The following ACTN4 variants were observed in gnomAD, a reference collection of about 807,000 sequenced individuals.
ACTN4 encodes the protein alpha-actinin-4.
ACTN4 carries 18 observed loss-of-function variants against 114.2 expected under a neutral mutation model. The observed-to-expected ratio is 0.16, with a 90% CI of 0.11 to 0.23. The LOEUF (loss-of-function observed/expected upper bound fraction) is 0.23. Ranked by LOEUF, ACTN4 falls within the 10% of genes least tolerant of loss-of-function variation. The pLI, the probability that ACTN4 is intolerant of heterozygous loss-of-function variation, is 1.00. For synonymous variants in ACTN4, 515 were observed against 506.3 expected, an observed-to-expected ratio of 1.02 and a Z score of -0.23; for missense variants, 722 against 1,262.9, an observed-to-expected ratio of 0.57 and a Z score of 6.49.
chr19:38,705,183 G>T (rs1303837553), intron 4 of ACTN4, among the ~76,000 whole-genome samples, 163 bp downstream of exon 4: 1 of 152,210 alleles, frequency 6.6e-6, no homozygotes, highest in East Asian at 1.9e-4. Context: ...GTGAAGGGAG[G>T]CTCCTCCCAG....
At chr19:38,656,359 T>C (rs1976711820) in intron 1 of ACTN4, among the ~76,000 whole-genome samples, 1 of 152,124 alleles carries the variant, frequency 6.6e-6, no homozygotes, top group South Asian at 2.1e-4. Context: ...GGATTACAGG[T>C]GTGAGTCACC....
At chr19:38,648,159 G>T in intron 1 of ACTN4, 1 of 407,958 alleles carries the variant, frequency 2.5e-6, no homozygotes, top group South Asian at 4.9e-5. Context: ...GAATCGGGAA[G>T]GCTGATGAAG....
chr19:38,718,222 G>A (rs747178536), intron 11 of ACTN4, 148 bp downstream of exon 11: 1 of 1,371,944 alleles, frequency 7.3e-7, no homozygotes, highest in Non-Finnish European at 1.0e-6. Context: ...GAGCATGTGT[G>A]TGTGTCAGAA....
chr19:38,726,936 C>T (rs1415643329), intron 17 of ACTN4, 21 bp from the exon 18 acceptor site: 4 of 1,613,220 alleles, frequency 2.5e-6, no homozygotes, highest in Non-Finnish European at 3.4e-6. Context: ...GGCCCACGAT[C>T]ACGCCCCCGT....
Position 38,727,209 on chromosome 19 carries a change from C to T in ACTN4, c.2337+106C>T, listed in dbSNP as rs775287672. 4.7e-5 allele frequency: 71 copies of T among 1,510,058 alleles called. No individual in the cohort carries two copies. Among genetic ancestry groups the T allele is most frequent in the Admixed American group, 1.6e-4 (8 of 51,128 alleles). 93.5% of individuals were successfully genotyped at this position (1,510,058 alleles called of 1,614,324 possible). On this transcript the variant is annotated intron_variant, in intron 18 of 20. Coordinates refer to ENST00000252699, the MANE Select transcript of ACTN4 (RefSeq NM_004924.6). This position sits in a 1 kb window ranked among gnomAD's most constrained non-coding sequence, Gnocchi z 5.4. ...GTCCATTCCCATCACAGTTGCTGAG[C>T]GTCGGCCGCCACTCCCAGGGCCAGC...
intron 1 of ACTN4, among the ~76,000 whole-genome samples, chr19:38,682,717 A>G (rs1373027634): frequency 5.3e-5 from 8 of 152,050 alleles, no homozygotes; most frequent in African/African-American, 1.9e-4. Flanking sequence ...GATGAAACCC[A>G]CACTGCCAGC....
intron 1 of ACTN4, among the ~76,000 whole-genome samples, chr19:38,657,410 T>G (rs924345830): frequency 6.6e-6 from 1 of 152,218 alleles, no homozygotes; most frequent in Non-Finnish European, 1.5e-5. Context: ...AACAAAGTGC[T>G]GGGGTTACAG....
At chr19:38,728,187 C>T (rs545505457) in intron 19 of ACTN4, 161 bp downstream of exon 19, 115 of 1,315,640 alleles carry the variant, frequency 8.7e-5, no homozygotes, top group Non-Finnish European at 7.4e-5. Context: ...TTCCCTTTTA[C>T]CTGGTCTCTT....
At chr19:38,647,947 C>T in intron 1 of ACTN4, 40 bp downstream of exon 1, 1 of 1,368,616 alleles carries the variant, frequency 7.3e-7, no homozygotes, top group Non-Finnish European at 9.5e-7. Flanking sequence ...AGGGGCTTTT[C>T]TGAGGGGGCC....
chr19:38,718,000 G>A lies in ACTN4; in HGVS notation c.1217G>A (p.Arg406His). ...GAGGAGTGGCTGCTGAATGAGATCC[G>A]CAGGCTGGAGCGGCTCGACCACCTG... ...GYEEWLLNEI[R>H]RLERLDHLAE... Residue 406 changes from arginine (R) to histidine (H), a missense_variant, in exon 11 of 21, where the codon CGC becomes CAC. By Grantham distance (29) the Arg-to-His change is conservative. Coordinates refer to ENST00000252699, the MANE Select transcript of ACTN4 (RefSeq NM_004924.6). The surrounding 1 kb of genome is among the most constrained non-coding windows in gnomAD (Gnocchi z 4.0). 1 of 1,608,376 alleles carries A rather than the reference G, an allele frequency of 6.2e-7. No individual in the cohort carries two copies. Among genetic ancestry groups the A allele is most frequent in the Non-Finnish European group, 8.5e-7 (1 of 1,177,686 alleles).
intron 1 of ACTN4, among the ~76,000 whole-genome samples, chr19:38,688,621 G>A (rs1967824275): frequency 6.6e-6 from 1 of 151,710 alleles, no homozygotes; most frequent in African/African-American, 2.4e-5. Flanking sequence ...CATATTCCTG[G>A]GAGGCTGAGG....
intron 1 of ACTN4, among the ~76,000 whole-genome samples, chr19:38,698,383 A>T (rs1599816404): frequency 1.3e-5 from 2 of 152,056 alleles, no homozygotes; most frequent in Admixed American, 6.5e-5. Context: ...TCAGTATTGT[A>T]TGGGGGAGGC....
At chr19:38,709,288 C>A (rs975304766) in intron 6 of ACTN4, 107 bp from the exon 7 acceptor site, 5 of 853,332 alleles carry the variant, frequency 5.9e-6, no homozygotes, top group Non-Finnish European at 1.0e-5. Flanking sequence ...AAGAAACCCC[C>A]AACCCTCGCC....
intron 1 of ACTN4, among the ~76,000 whole-genome samples, chr19:38,684,633 G>A (rs563343134): frequency 3.3e-5 from 5 of 152,304 alleles, no homozygotes; most frequent in Admixed American, 2.0e-4. Flanking sequence ...CCTGTTCCTC[G>A]GCCAGGGCAG....
chr19:38,649,490 C>T (rs542783971), intron 1 of ACTN4, among the ~76,000 whole-genome samples: 2 of 152,206 alleles, frequency 1.3e-5, no homozygotes, highest in African/African-American at 4.8e-5. Context: ...CGCTCTGTGG[C>T]CTTGGACAAG....
intron 1 of ACTN4, among the ~76,000 whole-genome samples, chr19:38,684,868 G>A (rs547224014): frequency 2.0e-5 from 3 of 151,848 alleles, no homozygotes; most frequent in South Asian, 4.2e-4. Context: ...ATCTGAGATG[G>A]ACTGAATATT....
At chr19:38,683,550 C>T (rs940787506) in intron 1 of ACTN4, among the ~76,000 whole-genome samples, 5 of 152,190 alleles carry the variant, frequency 3.3e-5, no homozygotes, top group African/African-American at 7.2e-5. Context: ...CCAACTTTTC[C>T]CCCCCTTCTC....
At chr19:38,697,490 A>G (rs1449746772) in intron 1 of ACTN4, among the ~76,000 whole-genome samples, 1 of 152,236 alleles carries the variant, frequency 6.6e-6, no homozygotes, top group Non-Finnish European at 1.5e-5. Context: ...ATTCTGATAA[A>G]TCCATCTTAC....
In ACTN4 at chr19:38,729,464, G is replaced by A. The variant is rs1568754491; in HGVS notation, c.*32G>A. On this transcript the variant is annotated 3_prime_UTR_variant, in exon 21 of 21. Coordinates refer to ENST00000252699, the MANE Select transcript of ACTN4 (RefSeq NM_004924.6). ...AGAGACCTGACCCAACACCCCCGACGGCCTCCAGGAGGGGCCTGGGCAGCC... is the reference window on the plus strand; with the variant it reads ...AGAGACCTGACCCAACACCCCCGACAGCCTCCAGGAGGGGCCTGGGCAGCC... 6.8e-6 allele frequency: 11 copies of A among 1,607,728 alleles called. No individual in the cohort carries two copies. The highest frequency in any genetic ancestry group is 7.6e-6 in the Non-Finnish European group (9 of 1,177,338).
Sources: allele counts gnomAD v4.1 joint callset (sites outside exome capture counted in the v4.1 genomes callset), GRCh38; gene constraint gnomAD v4.1.1; non-coding constraint Gnocchi (gnomAD v3.1); transcripts MANE v1.5; gene names NCBI Gene and HGNC (gene_info 2026-07-23, HGNC 2026-07-21).